Variants in KCNB2 observed in about 807,000 individuals in gnomAD.
KCNB2 encodes the protein potassium voltage-gated channel subfamily B member 2.
Under a neutral mutation model 61.5 loss-of-function variants are expected in KCNB2, and 15 were observed. That is an observed-to-expected ratio of 0.24 (90% CI 0.16 to 0.38). The LOEUF (loss-of-function observed/expected upper bound fraction) is 0.38, where lower values mean the gene tolerates loss of function less well. Among genes scored for constraint, KCNB2 ranks in the 10% least tolerant of loss-of-function variants. KCNB2 has a pLI of 1.00. For missense variants in KCNB2, 828 were observed against 1,125.2 expected (o/e 0.74, Z 3.78); for synonymous variants, 457 against 446.0 (o/e 1.02, Z -0.31).
intron 2 of KCNB2, among the ~76,000 whole-genome samples, chr8:72,596,206 C>T (rs570307318): frequency 6.6e-5 from 10 of 152,252 alleles, no homozygotes; most frequent in Non-Finnish European, 1.5e-4. Flanking sequence ...GCTTAAATGG[C>T]TTACCTGGAA....
At chr8:72,866,127 C>G (rs953387095) in intron 2 of KCNB2, among the ~76,000 whole-genome samples, 2 of 152,136 alleles carry the variant, frequency 1.3e-5, no homozygotes, top group African/African-American at 2.4e-5. Flanking sequence ...AAAAGGCCAA[C>G]AAAAACATCT....
chr8:72,632,268 GA>G (rs1382930322), intron 2 of KCNB2, among the ~76,000 whole-genome samples: 6 of 151,682 alleles, frequency 4.0e-5, no homozygotes, highest in Admixed American at 6.6e-5. Context: ...GGGGGCAATG[GA>G]AAAAAATCAA....
chr8:72,733,463 G>A (rs1807784480), intron 2 of KCNB2, among the ~76,000 whole-genome samples: 1 of 152,134 alleles, frequency 6.6e-6, no homozygotes, highest in Non-Finnish European at 1.5e-5. Context: ...TCTGCAATCA[G>A]ATCTGGGTTC....
intron 2 of KCNB2, among the ~76,000 whole-genome samples, chr8:72,928,534 T>G (rs1234088534): frequency 6.6e-6 from 1 of 152,152 alleles, no homozygotes; most frequent in African/African-American, 2.4e-5. Context: ...AGATGTTGTA[T>G]GTATGTGTAT....
intron 2 of KCNB2, among the ~76,000 whole-genome samples, chr8:72,648,493 C>T (rs745970785): frequency 7.3e-5 from 11 of 150,524 alleles, no homozygotes; most frequent in Non-Finnish European, 1.6e-4. Context: ...AGGCTGGTCG[C>T]GAACCCCTGG....
At chr8:72,916,407 C>T (rs541803097) in intron 2 of KCNB2, among the ~76,000 whole-genome samples, 62 of 152,152 alleles carry the variant, frequency 4.1e-4, no homozygotes, top group East Asian at 1.9e-3. Flanking sequence ...CCTCACGGGA[C>T]GGGGAGCACA....
intron 2 of KCNB2, among the ~76,000 whole-genome samples, chr8:72,587,350 C>G (rs994631903): frequency 6.6e-6 from 1 of 152,112 alleles, no homozygotes; most frequent in African/African-American, 2.4e-5. Flanking sequence ...GGTAGGTTCT[C>G]TGTGGATGGT....
intron 2 of KCNB2, among the ~76,000 whole-genome samples, chr8:72,645,945 C>T (rs1348859505): frequency 1.3e-5 from 2 of 152,062 alleles, no homozygotes; most frequent in Admixed American, 6.6e-5. Flanking sequence ...TATGTTAGGC[C>T]ACCTGCCACT....
At chr8:72,569,649 C>G (rs575167197) in intron 2 of KCNB2, among the ~76,000 whole-genome samples, 133 of 151,912 alleles carry the variant, frequency 8.8e-4, no homozygotes, top group African/African-American at 3.0e-3. Context: ...AAAAATGTGC[C>G]GCATTTGTGG....
At chr8:72,688,203 A>G (rs1251707260) in intron 2 of KCNB2, among the ~76,000 whole-genome samples, 2 of 152,148 alleles carry the variant, frequency 1.3e-5, no homozygotes, top group African/African-American at 2.4e-5. Flanking sequence ...TCGTGTACCT[A>G]CTTGAAATCC....
At chr8:72,692,777 T>A (rs1013120406) in intron 2 of KCNB2, among the ~76,000 whole-genome samples, 3 of 149,060 alleles carry the variant, frequency 2.0e-5, no homozygotes, top group Non-Finnish European at 4.5e-5. Flanking sequence ...TTAATTATTA[T>A]TTAATTATTT....
At chr8:72,872,461 T>C (rs1219292342) in intron 2 of KCNB2, among the ~76,000 whole-genome samples, 1 of 152,166 alleles carries the variant, frequency 6.6e-6, no homozygotes, top group African/African-American at 2.4e-5. Flanking sequence ...GGTTTGTGCA[T>C]TGCAAGAGTC....
intron 2 of KCNB2, among the ~76,000 whole-genome samples, chr8:72,582,248 CCCT>C (rs1216590789): frequency 3.9e-5 from 6 of 152,204 alleles, no homozygotes; most frequent in African/African-American, 1.4e-4. Context: ...TCTGCATGTG[CCCT>C]ACTTGCACTG....
At chr8:72,831,245 C>T (rs1462582152) in intron 2 of KCNB2, among the ~76,000 whole-genome samples, 3 of 152,198 alleles carry the variant, frequency 2.0e-5, no homozygotes, top group Non-Finnish European at 4.4e-5. Flanking sequence ...TCATTTACCT[C>T]ATTTATACTT....
intron 2 of KCNB2, among the ~76,000 whole-genome samples, chr8:72,733,364 C>T (rs553687709): frequency 4.6e-5 from 7 of 151,928 alleles, no homozygotes; most frequent in Non-Finnish European, 1.0e-4. Context: ...CCACCTCAAC[C>T]AGGATGGACT....
At chr8:72,624,238 T>C (rs554699571) in intron 2 of KCNB2, among the ~76,000 whole-genome samples, 69 of 152,342 alleles carry the variant, frequency 4.5e-4, no homozygotes, top group African/African-American at 1.7e-3. Flanking sequence ...TGTGCTAGTG[T>C]CTCAGTCAAA....
chr8:72,695,814 A>G (rs942992906), intron 2 of KCNB2, among the ~76,000 whole-genome samples: 4 of 152,212 alleles, frequency 2.6e-5, no homozygotes, highest in African/African-American at 9.6e-5. Context: ...AACTTTGGTC[A>G]TTATTTAACA....
chr8:72,761,755 A>G (rs1194537194), intron 2 of KCNB2, among the ~76,000 whole-genome samples: 1 of 151,640 alleles, frequency 6.6e-6, no homozygotes, highest in African/African-American at 2.4e-5. Context: ...TCCATTAGCT[A>G]TGAAAGTTAC....
chr8:72,811,171 T>TTC (rs1809301018), intron 2 of KCNB2, among the ~76,000 whole-genome samples: 1 of 151,484 alleles, frequency 6.6e-6, no homozygotes, highest in African/African-American at 2.4e-5. Context: ...TTTTTTTTTT[T>TTC]AACCTTCTTG....
Sources: allele counts gnomAD v4.1 joint callset (sites outside exome capture counted in the v4.1 genomes callset), GRCh38; gene constraint gnomAD v4.1.1; transcripts MANE v1.5; gene names NCBI Gene and HGNC (gene_info 2026-07-23, HGNC 2026-07-21).